CYBRD1: variants seen among roughly 807,000 people sequenced by gnomAD.
CYBRD1 encodes cytochrome b reductase 1.
Under a neutral mutation model 21.9 loss-of-function variants are expected in CYBRD1, and 14 were observed. The observed-to-expected ratio is 0.64, with a 90% CI of 0.42 to 1.00. The LOEUF (loss-of-function observed/expected upper bound fraction) is 1.00, where lower values mean the gene tolerates loss of function less well. Among genes scored for constraint, CYBRD1 ranks in the 50% least tolerant of loss-of-function variants. The probability of loss-of-function intolerance (pLI) is 0.00; values close to 1 mark genes in which losing one functional copy is unlikely to be tolerated. For missense variants in CYBRD1, 328 were observed against 352.5 expected, an observed-to-expected ratio of 0.93 and a Z score of 0.56; for synonymous variants, 146 against 136.5, an observed-to-expected ratio of 1.07 and a Z score of -0.48.
upstream of CYBRD1, chr2:171,522,371 C>A: frequency 6.7e-7 from 1 of 1,497,870 alleles, no homozygotes; most frequent in South Asian, 1.3e-5. This position sits in a 1 kb window ranked among gnomAD's most constrained non-coding sequence, Gnocchi z 4.3. Context: ...GGGGCCAGCT[C>A]CCCACCCCCA....
chr2:171,526,749 G>T (rs1309070393), intron 1 of CYBRD1, among the ~76,000 whole-genome samples: 1 of 152,170 alleles, frequency 6.6e-6, no homozygotes, highest in East Asian at 1.9e-4. Context: ...CCTTTTAAAA[G>T]GTTCAGCAAG....
chr2:171,541,916 G>A (rs1697640996), intron 2 of CYBRD1, 123 bp downstream of exon 2: 3 of 819,690 alleles, frequency 3.7e-6, no homozygotes, highest in Non-Finnish European at 5.7e-6. Flanking sequence ...CCAGGCTGGA[G>A]TGCAGTGCTG....
At chr2:171,533,771 T>TTTC (rs1491128275) in intron 1 of CYBRD1, among the ~76,000 whole-genome samples, 9 of 26,216 alleles carry the variant, frequency 3.4e-4, no homozygotes, top group East Asian at 6.7e-3. Flanking sequence ...TCTTTCTTTC[T>TTTC]TTTTTTTTTT....
chr2:171,523,095 G>A, intron 1 of CYBRD1: 2 of 337,124 alleles, frequency 5.9e-6, no homozygotes, highest in Non-Finnish European at 1.2e-5. Context: ...TTGAGCCCGG[G>A]CGCGATGCCG....
chr2:171,531,647 G>A (rs1697469560), intron 1 of CYBRD1, among the ~76,000 whole-genome samples: 1 of 152,030 alleles, frequency 6.6e-6, no homozygotes, highest in South Asian at 2.1e-4. Flanking sequence ...GTTTTGTTTA[G>A]AAATGTAGGT....
upstream of CYBRD1, chr2:171,522,358 G>C: frequency 6.6e-7 from 1 of 1,504,504 alleles, no homozygotes; most frequent in South Asian, 1.3e-5. This position sits in a 1 kb window ranked among gnomAD's most constrained non-coding sequence, Gnocchi z 4.3. Context: ...CCATTTCTGA[G>C]TTGGGGCCAG....
chr2:171,540,383 C>G (rs1697612306), intron 1 of CYBRD1, among the ~76,000 whole-genome samples: 1 of 152,056 alleles, frequency 6.6e-6, no homozygotes, highest in Non-Finnish European at 1.5e-5. Flanking sequence ...TTTATTCATT[C>G]TATTGATGAT....
chr2:171,552,396 T>G (rs1683390610), intron 2 of CYBRD1, among the ~76,000 whole-genome samples: 1 of 152,220 alleles, frequency 6.6e-6, no homozygotes, highest in Non-Finnish European at 1.5e-5. Flanking sequence ...TCAGTGTGAA[T>G]TAGGGCGTTG....
rs60636441 is a variant in CYBRD1 at position 171,540,772 on chromosome 2, C to CTTTTTTTTTTTTTTTTTTTT, written c.194-797_194-796insTTTTTTTTTTTTTTTTTTTT. On this transcript the variant is annotated intron_variant, in intron 1 of 3. Coordinates refer to ENST00000321348, the MANE Select transcript of CYBRD1 (RefSeq NM_024843.4). ...CTTTCTTTTTCTTATCAAACTAAGA[C>CTTTTTTTTTTTTTTTTTTTT]TTTTTTTTTTTTTTTTGTCTTCCTC... 5.5e-5 allele frequency: 6 copies of CTTTTTTTTTTTTTTTTTTTT among 109,940 alleles called. 2 individuals carry two copies. Among genetic ancestry groups the CTTTTTTTTTTTTTTTTTTTT allele is most frequent in the Admixed American group, 2.1e-4 (2 of 9,398 alleles). The allele number at this position is 109,940 out of a possible 1,614,324, so 6.8% of individuals were successfully genotyped here. A position where few individuals can be genotyped will look rare whatever the true frequency, so the allele number is the denominator to read the frequency against.
Position 171,541,813 on chromosome 2 carries a change from T to C in CYBRD1, c.402+20T>C. Reference sequence around the variant, plus strand: ...TTACAGGTCAGTATTTCAGTGTATTTACAAGCAAGTTATAAAAACAATTCA... The same window carrying C: ...TTACAGGTCAGTATTTCAGTGTATTCACAAGCAAGTTATAAAAACAATTCA... On this transcript the variant is annotated intron_variant, in intron 2 of 3. Transcript: ENST00000321348. 1 of 1,577,690 alleles carries C rather than the reference T, an allele frequency of 6.3e-7. No individual in the cohort carries two copies. Among genetic ancestry groups the C allele is most frequent in the Non-Finnish European group, 8.7e-7 (1 of 1,148,470 alleles).
At chr2:171,530,341 G>T (rs982103409) in intron 1 of CYBRD1, among the ~76,000 whole-genome samples, 1 of 152,206 alleles carries the variant, frequency 6.6e-6, no homozygotes, top group African/African-American at 2.4e-5. Flanking sequence ...GAAGCCCAAA[G>T]TATTGGCATC....
chr2:171,538,029 C>A (rs1014409926), intron 1 of CYBRD1, among the ~76,000 whole-genome samples: 4 of 152,142 alleles, frequency 2.6e-5, no homozygotes, highest in African/African-American at 9.7e-5. Flanking sequence ...GTAATCCCAG[C>A]ACTTTGGGAG....
rs1683469914 is a variant in CYBRD1, at chr2:171,555,488, A to G, written c.*661A>G. ...ATCTTCTCTGGTCAGACTTGGAAGA[A>G]TTTCCAAAACTGAAGTTAGCCCCAA... On this transcript the variant is annotated 3_prime_UTR_variant, in exon 4 of 4. Transcript: ENST00000321348. The G allele has an allele frequency of 6.6e-6, 1 of 152,462 alleles. No homozygotes were observed. The highest frequency in any genetic ancestry group is 2.4e-5 in the African/African-American group (1 of 41,432). 9.4% of individuals were successfully genotyped at this position (152,462 alleles called of 1,614,324 possible).
At position 171,557,716 on chromosome 2, in the gene CYBRD1, T is replaced by TACAG. The variant is rs949850096; in HGVS notation, c.*2891_*2894dup. 23 of 152,296 alleles carry TACAG rather than the reference T, an allele frequency of 1.5e-4. No homozygotes were observed. Among genetic ancestry groups the TACAG allele is most frequent in the African/African-American group, 5.5e-4 (23 of 41,564 alleles). 9.4% of individuals were successfully genotyped at this position (152,296 alleles called of 1,614,324 possible). ...AGTTTCTGTTTTCTAAAGGACAAAA[T>TACAG]ACAGAGTGTGTGTCATTTTTAATTA... is the stretch of plus-strand genomic sequence containing the variant. On this transcript the variant is annotated 3_prime_UTR_variant, in exon 4 of 4. Coordinates refer to ENST00000321348, the MANE Select transcript of CYBRD1 (RefSeq NM_024843.4).
intron 1 of CYBRD1, chr2:171,523,038 C>T: frequency 4.7e-6 from 2 of 427,088 alleles, no homozygotes. Context: ...TAACTCTTTG[C>T]GGCGACTGGC....
chr2:171,548,758 G>A (rs1333629571), intron 2 of CYBRD1, among the ~76,000 whole-genome samples: 2 of 140,566 alleles, frequency 1.4e-5, no homozygotes. Flanking sequence ...ATGTCTAAAA[G>A]CTTACACACA....
intron 2 of CYBRD1, among the ~76,000 whole-genome samples, chr2:171,550,441 G>A (rs958064610): frequency 7.2e-5 from 11 of 152,026 alleles, no homozygotes; most frequent in African/African-American, 2.7e-4. Context: ...CTGACTTAGA[G>A]AGACAAAAGG....
intron 2 of CYBRD1, among the ~76,000 whole-genome samples, chr2:171,552,780 C>A (rs1250521863): frequency 6.6e-6 from 1 of 152,184 alleles, no homozygotes; most frequent in Admixed American, 6.6e-5. Context: ...GAATTCATTT[C>A]TTTCTCATAA....
intron 1 of CYBRD1, chr2:171,541,167 G>A (rs12476341): frequency 0.73 from 147,016 of 201,746 alleles, 53,931 homozygotes; most frequent in East Asian, 0.89. Context: ...GGAAGCAAAC[G>A]CCGTACGGAA....
Sources: allele counts gnomAD v4.1 joint callset (sites outside exome capture counted in the v4.1 genomes callset), GRCh38; gene constraint gnomAD v4.1.1; non-coding constraint Gnocchi (gnomAD v3.1); transcripts MANE v1.5; gene names NCBI Gene and HGNC (gene_info 2026-07-23, HGNC 2026-07-21).